MSI2: variants seen among roughly 807,000 people sequenced by gnomAD.
MSI2 encodes the protein musashi RNA binding protein 2.
In MSI2, 17 loss-of-function variants were observed where a neutral mutation model predicts 45.6. That is an observed-to-expected ratio of 0.37 (90% confidence interval 0.26 to 0.56). The LOEUF (loss-of-function observed/expected upper bound fraction) is 0.56, where lower values mean the gene tolerates loss of function less well. Among genes scored for constraint, MSI2 ranks in the 20% least tolerant of loss-of-function variants. The pLI is 0.77. For synonymous variants in MSI2, 156 were observed against 158.2 expected, an observed-to-expected ratio of 0.99 and a Z score of 0.11; for missense variants, 293 against 444.2, an observed-to-expected ratio of 0.66 and a Z score of 3.06.
At chr17:57,258,873 G>C (rs1324117921) in intron 4 of MSI2, among the ~76,000 whole-genome samples, 1 of 152,202 alleles carries the variant, frequency 6.6e-6, no homozygotes, top group Non-Finnish European at 1.5e-5. Flanking sequence ...TGGCGGAGCT[G>C]AGCTGGGCAT....
At chr17:57,568,124 G>A (rs1301392422) in intron 7 of MSI2, among the ~76,000 whole-genome samples, 1 of 152,188 alleles carries the variant, frequency 6.6e-6, no homozygotes, top group African/African-American at 2.4e-5. Context: ...CTGGGTGCAG[G>A]AGAGTGGCAT....
At chr17:57,599,512 T>C (rs1905624821) in intron 8 of MSI2, among the ~76,000 whole-genome samples, 1 of 152,228 alleles carries the variant, frequency 6.6e-6, no homozygotes, top group Non-Finnish European at 1.5e-5. Flanking sequence ...CTGTTTCATA[T>C]TTATCGCCTT....
intron 6 of MSI2, among the ~76,000 whole-genome samples, chr17:57,456,257 G>A (rs537159212): frequency 3.5e-4 from 53 of 152,306 alleles, no homozygotes; most frequent in African/African-American, 1.2e-3. Context: ...TGAGTCCAGG[G>A]CACTTGTATG....
intron 5 of MSI2, among the ~76,000 whole-genome samples, chr17:57,363,926 G>A (rs1266011258): frequency 6.6e-6 from 1 of 152,132 alleles, no homozygotes; most frequent in African/African-American, 2.4e-5. Flanking sequence ...CACTGCCCAG[G>A]CTGGTCTGTC....
chr17:57,615,017 GGTGGTGTAGGTTTT>G (rs1434554197), intron 8 of MSI2, among the ~76,000 whole-genome samples: 3 of 152,082 alleles, frequency 2.0e-5, no homozygotes, highest in Non-Finnish European at 4.4e-5. Flanking sequence ...GGAGTGTGGT[GGTGGTGTAGGTTTT>G]GTGGAAATGT....
chr17:57,372,307 C>T (rs1224276127), intron 5 of MSI2, among the ~76,000 whole-genome samples: 1 of 152,176 alleles, frequency 6.6e-6, no homozygotes, highest in Non-Finnish European at 1.5e-5. Context: ...TAACATTTAT[C>T]CAAGTTTGAA....
intron 5 of MSI2, among the ~76,000 whole-genome samples, chr17:57,273,800 C>G (rs1418851584): frequency 6.6e-6 from 1 of 152,208 alleles, no homozygotes. Context: ...TGGGTCTTTC[C>G]CCAAGCTATA....
intron 10 of MSI2, among the ~76,000 whole-genome samples, chr17:57,633,538 C>T (rs1381739174): frequency 1.3e-5 from 2 of 152,256 alleles, no homozygotes; most frequent in Non-Finnish European, 2.9e-5. Flanking sequence ...CTCGCGCCCA[C>T]GGGCCTGTGT....
intron 7 of MSI2, among the ~76,000 whole-genome samples, chr17:57,530,682 A>G (rs559106857): frequency 6.6e-6 from 1 of 152,268 alleles, no homozygotes; most frequent in African/African-American, 2.4e-5. Flanking sequence ...GATCGCATTT[A>G]GATGTTTCCT....
intron 7 of MSI2, among the ~76,000 whole-genome samples, chr17:57,587,747 G>T (rs1031281848): frequency 6.6e-6 from 1 of 152,194 alleles, no homozygotes; most frequent in African/African-American, 2.4e-5. Context: ...AAGGCAGGAA[G>T]AAATATGACC....
At chr17:57,660,683 G>A (rs1161542415) in intron 11 of MSI2, among the ~76,000 whole-genome samples, 1 of 152,220 alleles carries the variant, frequency 6.6e-6, no homozygotes, top group Admixed American at 6.5e-5. Flanking sequence ...TCACAGGGGA[G>A]TGAATATTTC....
At chr17:57,258,971 C>A (rs1438252306) in intron 4 of MSI2, among the ~76,000 whole-genome samples, 2 of 151,808 alleles carry the variant, frequency 1.3e-5, no homozygotes, top group Non-Finnish European at 2.9e-5. Context: ...CCTTTTCTTT[C>A]TCAGATCCTT....
intron 6 of MSI2, among the ~76,000 whole-genome samples, chr17:57,474,571 G>A (rs1003062603): frequency 6.6e-6 from 1 of 152,106 alleles, no homozygotes; most frequent in Non-Finnish European, 1.5e-5. Context: ...ACATTGCCAA[G>A]GTCCCCTGGA....
intron 6 of MSI2, among the ~76,000 whole-genome samples, chr17:57,480,503 G>T (rs1598316951): frequency 6.6e-6 from 1 of 152,186 alleles, no homozygotes; most frequent in African/African-American, 2.4e-5. Context: ...AGCTGCAGAA[G>T]AGATTTCTTG....
chr17:57,321,159 C>A (rs1467217601), intron 5 of MSI2, among the ~76,000 whole-genome samples: 1 of 151,970 alleles, frequency 6.6e-6, no homozygotes, highest in Admixed American at 6.6e-5. Context: ...CCCCTAAACC[C>A]TCCAAACGTG....
intron 5 of MSI2, among the ~76,000 whole-genome samples, chr17:57,390,882 T>A (rs1420673749): frequency 6.6e-6 from 1 of 152,178 alleles, no homozygotes; most frequent in Non-Finnish European, 1.5e-5. Flanking sequence ...CCATTCCTTC[T>A]AACATGGTTT....
chr17:57,465,272 A>C (rs774844302), intron 6 of MSI2, among the ~76,000 whole-genome samples: 6 of 152,018 alleles, frequency 3.9e-5, no homozygotes, highest in Non-Finnish European at 5.9e-5. Flanking sequence ...GAACAGCCTG[A>C]GCAACATGGC....
At chr17:57,423,271 A>C (rs868360328) in intron 6 of MSI2, among the ~76,000 whole-genome samples, 1 of 152,236 alleles carries the variant, frequency 6.6e-6, no homozygotes, top group Admixed American at 6.5e-5. Context: ...AGACTTGAGA[A>C]CATTATCTTC....
chr17:57,638,453 C>A (rs1910000314), intron 10 of MSI2, among the ~76,000 whole-genome samples: 2 of 152,186 alleles, frequency 1.3e-5, no homozygotes, highest in African/African-American at 2.4e-5. Flanking sequence ...CCACGTGCGG[C>A]CAGATGTGTT....
Sources: allele counts gnomAD v4.1 joint callset (sites outside exome capture counted in the v4.1 genomes callset), GRCh38; gene constraint gnomAD v4.1.1; transcripts MANE v1.5; gene names NCBI Gene and HGNC (gene_info 2026-07-23, HGNC 2026-07-21).